Variants in CATSPER1 observed in about 807,000 individuals in gnomAD.
CATSPER1 encodes the protein cation channel sperm-associated protein 1.
CATSPER1 carries 57 observed loss-of-function variants against 72.7 expected under a neutral mutation model. The observed-to-expected ratio is 0.78, with a 90% confidence interval of 0.63 to 0.98. The LOEUF (loss-of-function observed/expected upper bound fraction) is 0.98. CATSPER1 is among the 50% of genes least tolerant of loss of function. The pLI is 0.00. For missense variants in CATSPER1, 910 were observed against 1,033.9 expected, an observed-to-expected ratio of 0.88 and a Z score of 1.64; for synonymous variants, 363 against 403.0, an observed-to-expected ratio of 0.90 and a Z score of 1.19.
At position 66,022,708 on chromosome 11, in the gene CATSPER1, C is replaced by T. The variant is rs1399145107; in HGVS notation, c.1429+141G>A. Reference sequence around the variant, plus strand: ...GGTCTTTCTGAGACGCTCTCTAATACTGGGTAAGGCCATCTACTTCCCAGG... The same window carrying T: ...GGTCTTTCTGAGACGCTCTCTAATATTGGGTAAGGCCATCTACTTCCCAGG... On this transcript the variant is annotated intron_variant, in intron 2 of 11. Coordinates refer to ENST00000312106, the MANE Select transcript of CATSPER1 (RefSeq NM_053054.4). 4 of 779,274 alleles carry T rather than the reference C, an allele frequency of 5.1e-6. No homozygotes were observed. In the African/African-American group the frequency reaches 5.2e-5, roughly 10 times the overall value. The allele number at this position is 779,274 out of a possible 1,614,324, so 48.3% of individuals were successfully genotyped here. A position where few individuals can be genotyped will look rare whatever the true frequency, so the allele number is the denominator to read the frequency against.
At position 66,025,507 on chromosome 11, in the gene CATSPER1, G is replaced by T; in HGVS notation, c.873C>A (p.His291Gln). Residue 291 changes from histidine to glutamine, a missense_variant, in exon 1 of 12, where the codon CAC becomes CAA. His to Gln is a conservative substitution (Grantham distance 24). Transcript: ENST00000312106. ...GGTAGTCTCGGTGCCGGTGGGTCTG[G>T]TGGTAGTGGTGCTGTGTGTGGTGGG... The part of the protein sequence containing the change: ...DHPHHTQHHY[H>Q]QTHRHRDYHQ... The T allele has an allele frequency of 6.2e-7, 1 of 1,607,156 alleles. No homozygotes were observed. The highest frequency in any genetic ancestry group is 8.5e-7 in the Non-Finnish European group (1 of 1,177,280).
chr11:66,022,357 G>A (rs1472636201), intron 2 of CATSPER1, among the ~76,000 whole-genome samples: 2 of 152,160 alleles, frequency 1.3e-5, no homozygotes, highest in East Asian at 3.9e-4. Flanking sequence ...ATAAAATGGG[G>A]ATAATTGAAG....
At chr11:66,016,971 G>A (rs1856250690) in intron 11 of CATSPER1, 55 bp from the exon 12 acceptor site, 21 of 1,613,096 alleles carry the variant, frequency 1.3e-5, no homozygotes, top group Non-Finnish European at 1.7e-5. Flanking sequence ...TGCCTTCCCC[G>A]ATCCCCATGG....
chr11:66,018,916 A>C lies in CATSPER1; in HGVS notation c.2126-14T>G, dbSNP rs1856295917. ...CCTCTTTGGGCTCTGGATGTAGAGAAAGAAGGGTGAGGTCAAGGCCTGGAT... is the reference window on the plus strand; with the variant it reads ...CCTCTTTGGGCTCTGGATGTAGAGACAGAAGGGTGAGGTCAAGGCCTGGAT... On this transcript the variant is annotated splice_polypyrimidine_tract_variant and intron_variant, in intron 9 of 11. Transcript: ENST00000312106. 1 of 1,608,262 alleles carries C rather than the reference A, an allele frequency of 6.2e-7. No homozygotes were observed. Among genetic ancestry groups the C allele is most frequent in the South Asian group, 1.1e-5 (1 of 90,936 alleles).
chr11:66,022,609 T>C (rs560248396), intron 2 of CATSPER1, among the ~76,000 whole-genome samples: 8 of 152,282 alleles, frequency 5.3e-5, no homozygotes, highest in East Asian at 3.9e-4. Context: ...GCAGATGCGC[T>C]CCCTAGTGGC....
chr11:66,025,162 A>T lies in CATSPER1; in HGVS notation c.1216+2T>A, dbSNP rs1380774611. On this transcript the variant is annotated splice_donor_variant, in intron 1 of 11. Coordinates refer to ENST00000312106, the MANE Select transcript of CATSPER1 (RefSeq NM_053054.4). LOFTEE classifies it high-confidence loss of function. Reference sequence around the variant, plus strand: ...GGCATGGGGGGCCCAGCAAAGACTCACTTTTGCGTTTCTGAAATTGCCCTT... The same window carrying T: ...GGCATGGGGGGCCCAGCAAAGACTCTCTTTTGCGTTTCTGAAATTGCCCTT... 6.2e-7 allele frequency: 1 copy of T among 1,614,068 alleles called. No homozygotes were observed. Among genetic ancestry groups the T allele is most frequent in the Admixed American group, 1.7e-5 (1 of 60,026 alleles).
chr11:66,026,202 G>A lies in CATSPER1; in HGVS notation c.178C>T (p.Pro60Ser). 6.2e-7 allele frequency: 1 copy of A among 1,609,442 alleles called. No individual in the cohort carries two copies. The highest frequency in any genetic ancestry group is 8.5e-7 in the Non-Finnish European group (1 of 1,176,102). The change falls in exon 1 of 12, where the codon CCT (proline) becomes TCT (serine). Residue 60 changes from proline (P) to serine (S), a missense_variant. Transcript: ENST00000312106. The part of the protein sequence containing the change: ...VPHQRGESHH[P>S]PEFQDFHDQA... The stretch of plus-strand genomic sequence containing the variant: ...TCGTGGAAGTCTTGGAACTCCGGAG[G>A]GTGGTGAGATTCACCACGTTGGTGG...
chr11:66,021,621 G>T lies in CATSPER1; in HGVS notation c.1566C>A (p.Ala522=). The T allele has an allele frequency of 6.2e-7, 1 of 1,608,268 alleles. No homozygotes were observed. The highest frequency in any genetic ancestry group is 8.5e-7 in the Non-Finnish European group (1 of 1,177,184). ...NNLDFFIMAM[A]VLDFLLMQTH... is the part of the protein sequence containing the mutation. ...TCTGCATCAGCAAGAAGTCCAGCAC[G>T]GCCATGGCCATAATGAAGAAGTCTG... is the stretch of plus-strand genomic sequence containing the variant. Residue 522 remains alanine (A), a synonymous_variant, in exon 4 of 12, where the codon GCC becomes GCA. Coordinates refer to ENST00000312106, the MANE Select transcript of CATSPER1 (RefSeq NM_053054.4).
rs1199917114 is a variant in CATSPER1 at position 66,025,598 on chromosome 11, G to C, written c.782C>G (p.Ser261Cys). The change falls in exon 1 of 12, where the codon TCT (serine) becomes TGT (cysteine). Residue 261 changes from serine (S) to cysteine (C), a missense_variant. Physicochemically the swap from Ser to Cys is moderately radical, Grantham distance 112. Coordinates refer to ENST00000312106, the MANE Select transcript of CATSPER1 (RefSeq NM_053054.4). Reference protein sequence around the residue: ...SSVGSYQRGISDYHSEYHQGD... With the variant: ...SSVGSYQRGICDYHSEYHQGD... ...TTGGTGGTACTCGCTGTGATAGTCA[G>C]ATATCCCACGCTGGTAGGACCCCAC... 6.2e-7 allele frequency: 1 copy of C among 1,610,438 alleles called. No homozygotes were observed. Among genetic ancestry groups the C allele is most frequent in the African/African-American group, 1.3e-5 (1 of 74,772 alleles).
rs1430139504 is a variant in CATSPER1 at position 66,016,832 on chromosome 11, T to A, written c.*58A>T. 7.6e-6 allele frequency: 12 copies of A among 1,579,716 alleles called. No homozygotes were observed. In the Middle Eastern group the frequency reaches 5.2e-4, roughly 69 times the overall value. On this transcript the variant is annotated 3_prime_UTR_variant, in exon 12 of 12. Coordinates refer to ENST00000312106, the MANE Select transcript of CATSPER1 (RefSeq NM_053054.4). ...CAGCAGATCTGGGGACCCGTCCCAG[T>A]GCACCCAGGTGGGCAGACTGCCAGG...
chr11:66,017,924 C>T lies in CATSPER1; in HGVS notation c.2202-750G>A, dbSNP rs527729995. 5.6e-4 allele frequency among the ~76,000 whole-genome samples: 85 copies of T among 152,246 alleles called. 2 individuals carry two copies. The South Asian group carries it at 0.016, about 28-fold the overall frequency. On this transcript the variant is annotated intron_variant, in intron 10 of 11. Coordinates refer to ENST00000312106, the MANE Select transcript of CATSPER1 (RefSeq NM_053054.4). ...TTTGAAAGATAAGTGAGAGCCCAGG[C>T]GCGGTGGCTCATGCCTGTAATCCCA... is the stretch of plus-strand genomic sequence containing the variant.
rs1856334465 is a variant in CATSPER1 at position 66,020,403 on chromosome 11, CA to C, written c.1992-15del. On this transcript the variant is annotated splice_polypyrimidine_tract_variant and intron_variant, in intron 7 of 11. Coordinates refer to ENST00000312106, the MANE Select transcript of CATSPER1 (RefSeq NM_053054.4). This position sits in a 1 kb window ranked among gnomAD's most constrained non-coding sequence, Gnocchi z 4.5. ...GTAATCACCAGGCTGGGGAGAGGGA[CA>C]GGGGTGTGCCCTCAGCGAGGAGGCC... 6.2e-7 allele frequency: 1 copy of C among 1,613,976 alleles called. No homozygotes were observed. The highest frequency in any genetic ancestry group is 8.5e-7 in the Non-Finnish European group (1 of 1,179,988).
intron 11 of CATSPER1, 41 bp downstream of exon 11, chr11:66,017,019 G>C: frequency 6.2e-7 from 1 of 1,612,258 alleles, no homozygotes; most frequent in Admixed American, 1.7e-5. Flanking sequence ...AAGCCCCTGG[G>C]GTTCCCCTCG....
Position 66,020,266 on chromosome 11 carries a change from T to C in CATSPER1, c.2064+51A>G. The C allele has an allele frequency of 6.2e-7, 1 of 1,614,030 alleles. No homozygotes were observed. Among genetic ancestry groups the C allele is most frequent in the Non-Finnish European group, 8.5e-7 (1 of 1,179,888 alleles). On this transcript the variant is annotated intron_variant, in intron 8 of 11. Transcript: ENST00000312106. This position sits in a 1 kb window ranked among gnomAD's most constrained non-coding sequence, Gnocchi z 4.5. ...TGCTCAACCCTGGAGGCCCCTGGCC[T>C]CACTCCTCCAGCTTCCTGATCTGGT...
Position 66,023,009 on chromosome 11 carries a change from C to T in CATSPER1, c.1269G>A (p.Gln423=). 6.2e-7 allele frequency: 1 copy of T among 1,614,242 alleles called. No individual in the cohort carries two copies. The highest frequency in any genetic ancestry group is 8.5e-7 in the Non-Finnish European group (1 of 1,180,054). ...RKKGHSTNLF[Q]WLWEKLTFLI... The stretch of plus-strand genomic sequence containing the variant: ...GGAAGGTTAGCTTTTCCCACAGCCA[C>T]TGGAAGAGATTGGTAGAGTGTCCCT... Residue 423 remains glutamine, a synonymous_variant, in exon 2 of 12, where the codon CAG becomes CAA. Coordinates refer to ENST00000312106, the MANE Select transcript of CATSPER1 (RefSeq NM_053054.4).
chr11:66,017,609 G>T (rs1856264811), intron 10 of CATSPER1, among the ~76,000 whole-genome samples: 1 of 142,570 alleles, frequency 7.0e-6, no homozygotes, highest in African/African-American at 2.7e-5. Context: ...TGTGTAGTCA[G>T]TCACCCACCT....
intron 1 of CATSPER1, 73 bp from the exon 2 acceptor site, chr11:66,023,134 G>T: frequency 2.9e-6 from 4 of 1,402,058 alleles, no homozygotes; most frequent in Non-Finnish European, 1.0e-6. Context: ...CCCCAGCCTG[G>T]CTCAGCGTCC....
chr11:66,018,557 G>A (rs1338808090), intron 10 of CATSPER1, among the ~76,000 whole-genome samples: 1 of 152,208 alleles, frequency 6.6e-6, no homozygotes, highest in South Asian at 2.1e-4. Context: ...AGCCCTCACA[G>A]GGCCCAGACT....
chr11:66,021,077 C>T lies in CATSPER1; in HGVS notation c.1783+17G>A. The stretch of plus-strand genomic sequence containing the variant: ...GCCCCTCAGGCCCCCACCCCAGCCC[C>T]TGCAGCACCAGGATACAGAGGCAGG... On this transcript the variant is annotated intron_variant, in intron 5 of 11. Coordinates refer to ENST00000312106, the MANE Select transcript of CATSPER1 (RefSeq NM_053054.4). 1.9e-6 allele frequency: 3 copies of T among 1,609,032 alleles called. No individual in the cohort carries two copies. The highest frequency in any genetic ancestry group is 2.7e-5 in the African/African-American group (2 of 74,938).
Sources: allele counts gnomAD v4.1 joint callset (sites outside exome capture counted in the v4.1 genomes callset), GRCh38; gene constraint gnomAD v4.1.1; non-coding constraint Gnocchi (gnomAD v3.1); transcripts MANE v1.5; gene names NCBI Gene and HGNC (gene_info 2026-07-23, HGNC 2026-07-21).